Variants in USP38 observed in about 807,000 individuals in gnomAD.
USP38 encodes the protein ubiquitin carboxyl-terminal hydrolase 38.
USP38 carries 49 observed loss-of-function variants against 94.3 expected under a neutral mutation model. The observed-to-expected ratio is 0.52, with a 90% CI of 0.41 to 0.66. The LOEUF (loss-of-function observed/expected upper bound fraction) is 0.66. Among genes scored for constraint, USP38 ranks in the 30% least tolerant of loss-of-function variants. USP38 has a pLI of 0.00. For synonymous variants in USP38, 468 were observed against 463.6 expected (o/e 1.01, Z -0.12); for missense variants, 1,128 against 1,229.4 (o/e 0.92, Z 1.23).
chr4:143,205,265 A>G (rs1276404880), intron 5 of USP38, among the ~76,000 whole-genome samples: 1 of 152,220 alleles, frequency 6.6e-6, no homozygotes, highest in African/African-American at 2.4e-5. Context: ...AAAAATGAGA[A>G]GATTGAAACT....
rs1378406400 is a variant in USP38 at position 143,185,825 on chromosome 4, C to A, written c.375C>A (p.Ser125Arg). The change falls in exon 1 of 10, where the codon AGC becomes AGA. Residue 125 changes from serine (S) to arginine (R), a missense_variant. Physicochemically the swap from Ser to Arg is moderately radical, Grantham distance 110 (BLOSUM62 -1). Transcript: ENST00000307017. ...GTCCGTCGGTGCTGGATCTCTTTAGCCTCCTGCAGGTAGAGGTGTTACGGA... is the reference window on the plus strand; with the variant it reads ...GTCCGTCGGTGCTGGATCTCTTTAGACTCCTGCAGGTAGAGGTGTTACGGA... ...MSCPSVLDLF[S>R]LLQVEVLRMV... 11 of 1,614,094 alleles carry A rather than the reference C, an allele frequency of 6.8e-6. No homozygotes were observed. Among genetic ancestry groups the A allele is most frequent in the African/African-American group, 1.3e-5 (1 of 74,936 alleles).
Position 143,214,328 on chromosome 4 carries a change from A to G in USP38, c.2352A>G (p.Val784=), listed in dbSNP as rs146855887. The part of the protein sequence containing the change: ...YHVRRKILDN[V]SLPLVLELPV... ...TGAGAAGGAAAATTTTAGACAATGT[A>G]TCACTGCCACTGGTTTTGGAGTTGC... Residue 784 remains valine (V), a synonymous_variant, in exon 9 of 10, where the codon GTA becomes GTG. Transcript: ENST00000307017. 68 of 1,613,162 alleles carry G rather than the reference A, an allele frequency of 4.2e-5. No homozygotes were observed. In the African/African-American group the frequency reaches 5.9e-4, roughly 14 times the overall value.
intron 9 of USP38, among the ~76,000 whole-genome samples, chr4:143,219,545 C>T (rs992918042): frequency 2.0e-5 from 3 of 152,010 alleles, no homozygotes; most frequent in African/African-American, 7.2e-5. Flanking sequence ...ATGCTGTGAC[C>T]AGTAACTTTT....
intron 9 of USP38, among the ~76,000 whole-genome samples, chr4:143,215,844 A>AG (rs1732170677): frequency 6.6e-6 from 1 of 152,182 alleles, no homozygotes; most frequent in Non-Finnish European, 1.5e-5. Context: ...ACATTTTTAA[A>AG]GAAGTATAGC....
chr4:143,201,685 A>G (rs893964427), intron 4 of USP38, among the ~76,000 whole-genome samples: 11 of 152,300 alleles, frequency 7.2e-5, no homozygotes, highest in Middle Eastern at 3.4e-3. Flanking sequence ...CATTTTACCC[A>G]GTGGAATAAA....
chr4:143,197,058 T>A (rs781590860), intron 3 of USP38, among the ~76,000 whole-genome samples: 1 of 152,212 alleles, frequency 6.6e-6, no homozygotes, highest in Non-Finnish European at 1.5e-5. Flanking sequence ...CAAGGTCCTA[T>A]GTATTCTGGC....
At chr4:143,204,143 G>C (rs748568226) in intron 5 of USP38, among the ~76,000 whole-genome samples, 3 of 151,928 alleles carry the variant, frequency 2.0e-5, no homozygotes, top group African/African-American at 7.3e-5. Context: ...CACCATGCCC[G>C]GCTAATTTGT....
rs1267669188 is a variant in USP38, at chr4:143,221,843, G to C, written c.*1387G>C. On this transcript the variant is annotated 3_prime_UTR_variant, in exon 10 of 10. Coordinates refer to ENST00000307017, the MANE Select transcript of USP38 (RefSeq NM_032557.6). ...CTTTTATGACAGTGGTTAAAAAACAGAAATCCTCATGTTTATTCCATTACC... is the reference window on the plus strand; with the variant it reads ...CTTTTATGACAGTGGTTAAAAAACACAAATCCTCATGTTTATTCCATTACC... The C allele has an allele frequency of 6.6e-6, 1 of 152,090 alleles. No homozygotes were observed. Among genetic ancestry groups the C allele is most frequent in the Non-Finnish European group, 1.5e-5 (1 of 67,958 alleles). The allele number at this position is 152,090 out of a possible 1,614,324, so 9.4% of individuals were successfully genotyped here.
At chr4:143,208,981 T>C (rs1204148264) in intron 6 of USP38, among the ~76,000 whole-genome samples, 2 of 151,626 alleles carry the variant, frequency 1.3e-5, no homozygotes, top group African/African-American at 4.8e-5. Context: ...CTTTACTTTT[T>C]TTTTTTTTTT....
chr4:143,209,531 C>T (rs1213917925), intron 6 of USP38, 33 bp from the exon 7 acceptor site: 1 of 1,309,876 alleles, frequency 7.6e-7, no homozygotes, highest in Non-Finnish European at 1.1e-6. Context: ...TGTTTGTACG[C>T]ACATATATAT....
At chr4:143,198,950 T>A (rs368458241) in intron 4 of USP38, among the ~76,000 whole-genome samples, 1 of 152,170 alleles carries the variant, frequency 6.6e-6, no homozygotes, top group African/African-American at 2.4e-5. Flanking sequence ...CACAATCATG[T>A]GTAAGACATT....
chr4:143,200,551 G>T (rs1240879632), intron 4 of USP38, among the ~76,000 whole-genome samples: 1 of 152,128 alleles, frequency 6.6e-6, no homozygotes, highest in Non-Finnish European at 1.5e-5. Flanking sequence ...GGCAAGAGAA[G>T]GCAATAGGTG....
intron 4 of USP38, among the ~76,000 whole-genome samples, chr4:143,200,591 C>T (rs1731684851): frequency 6.6e-6 from 1 of 152,030 alleles, no homozygotes; most frequent in Non-Finnish European, 1.5e-5. Context: ...AGAAGTGAAA[C>T]TATTTGTAGA....
At chr4:143,204,650 G>A in intron 5 of USP38, 1 of 303,362 alleles carries the variant, frequency 3.3e-6, no homozygotes, top group East Asian at 1.1e-4. Flanking sequence ...CCAAAGTGCT[G>A]GGATTACAGG....
intron 9 of USP38, among the ~76,000 whole-genome samples, chr4:143,216,543 G>T (rs962762292): frequency 1.3e-5 from 2 of 151,604 alleles, no homozygotes; most frequent in African/African-American, 4.9e-5. Flanking sequence ...CGTGATCATG[G>T]TTTATTGTAG....
At chr4:143,191,658 A>T (rs1292303248) in intron 2 of USP38, among the ~76,000 whole-genome samples, 2 of 152,244 alleles carry the variant, frequency 1.3e-5, no homozygotes, top group Non-Finnish European at 1.5e-5. Context: ...TGCTTTATTT[A>T]ACAAATTTGA....
chr4:143,185,165 G>A lies in USP38; in HGVS notation c.-286G>A, dbSNP rs1258621062. On this transcript the variant is annotated 5_prime_UTR_variant, in exon 1 of 10. Coordinates refer to ENST00000307017, the MANE Select transcript of USP38 (RefSeq NM_032557.6). ...CGACAGGCCCCTCGGCGCTGATGCT[G>A]AGTGGGATCGAGGGCCCGGGGCGGC... 1 of 321,754 alleles carries A rather than the reference G, an allele frequency of 3.1e-6. No individual in the cohort carries two copies. Among genetic ancestry groups the A allele is most frequent in the Non-Finnish European group, 5.7e-6 (1 of 175,068 alleles). The allele number at this position is 321,754 out of a possible 1,614,324, so 19.9% of individuals were successfully genotyped here. A position where few individuals can be genotyped will look rare whatever the true frequency, so the allele number is the denominator to read the frequency against.
intron 5 of USP38, 22 bp downstream of exon 5, chr4:143,203,588 T>C (rs1433379818): frequency 1.3e-6 from 2 of 1,597,866 alleles, no homozygotes; most frequent in South Asian, 1.2e-5. Context: ...GTTGTACCAA[T>C]ATTTGTGGAG....
At chr4:143,200,979 TTCAA>T (rs1386269614) in intron 4 of USP38, among the ~76,000 whole-genome samples, 14 of 152,156 alleles carry the variant, frequency 9.2e-5, no homozygotes, top group Admixed American at 2.6e-4. Context: ...GCAGTGCTAC[TTCAA>T]TCAAACTACC....
Sources: allele counts gnomAD v4.1 joint callset (sites outside exome capture counted in the v4.1 genomes callset), GRCh38; gene constraint gnomAD v4.1.1; transcripts MANE v1.5; gene names NCBI Gene and HGNC (gene_info 2026-07-23, HGNC 2026-07-21).